The following PCF11 variants were observed in gnomAD, a reference collection of about 807,000 sequenced individuals.
PCF11 encodes the protein pre-mRNA cleavage complex 2 protein Pcf11.
A neutral mutation model predicts 166.1 loss-of-function variants in PCF11; 19 were observed. That is an observed-to-expected ratio of 0.11 (90% CI 0.08 to 0.17). The LOEUF (loss-of-function observed/expected upper bound fraction) is 0.17, where lower values mean the gene tolerates loss of function less well. Ranked by LOEUF, PCF11 falls within the 10% of genes least tolerant of loss-of-function variation. PCF11 has a pLI of 1.00. For synonymous variants in PCF11, 663 were observed against 644.1 expected (o/e 1.03, Z -0.44); for missense variants, 1,565 against 1,855.5 (o/e 0.84, Z 2.88).
chr11:83,168,280 G>T, intron 7 of PCF11, 148 bp from the exon 8 acceptor site: 1 of 720,726 alleles, frequency 1.4e-6, no homozygotes, highest in Non-Finnish European at 2.2e-6. Flanking sequence ...TGACTCTAGA[G>T]GGCATCCTCT....
At chr11:83,158,330 TG>T (rs1318440406) in intron 1 of PCF11, 1 of 85,520 alleles carries the variant, frequency 1.2e-5, no homozygotes, top group Non-Finnish European at 2.3e-5. Context: ...GGGTTGAGGG[TG>T]GGGTTTGGGT....
At chr11:83,165,631 C>G in exon 5 of PCF11, 1 of 1,612,120 alleles carries the variant, frequency 6.2e-7, no homozygotes. Flanking sequence ...CAGGAAACAT[C>G]CAATTTAGGT....
chr11:83,175,187 G>A (rs1860833880), intron 9 of PCF11, among the ~76,000 whole-genome samples: 1 of 152,128 alleles, frequency 6.6e-6, no homozygotes, highest in South Asian at 2.1e-4. Flanking sequence ...CCAGGCTGGA[G>A]TACAGTGGGG....
At chr11:83,175,660 A>G (rs1185983879) in intron 9 of PCF11, among the ~76,000 whole-genome samples, 1 of 152,196 alleles carries the variant, frequency 6.6e-6, no homozygotes, top group Non-Finnish European at 1.5e-5. Context: ...AGGCTGAGGC[A>G]GGAGAACGGT....
chr11:83,173,373 T>G (rs1282028376), intron 9 of PCF11, among the ~76,000 whole-genome samples: 1 of 152,030 alleles, frequency 6.6e-6, no homozygotes, highest in Non-Finnish European at 1.5e-5. Flanking sequence ...GAGAATCGCT[T>G]GAACCCAGGA....
At chr11:83,173,159 CTG>C (rs1243639156) in intron 9 of PCF11, among the ~76,000 whole-genome samples, 2 of 152,140 alleles carry the variant, frequency 1.3e-5, no homozygotes, top group Non-Finnish European at 2.9e-5. Flanking sequence ...TTTTTTCCCT[CTG>C]TAAACAGCAT....
chr11:83,164,424 T>G, intron 4 of PCF11, 23 bp downstream of exon 4: 1 of 1,553,828 alleles, frequency 6.4e-7, no homozygotes, highest in East Asian at 2.3e-5. Context: ...GATTGTCATT[T>G]TAAATATTTT....
chr11:83,180,386 ATT>A (rs57035891), intron 11 of PCF11: 11 of 138,772 alleles, frequency 7.9e-5, no homozygotes, highest in South Asian at 2.3e-4. Context: ...GTGCCCGGCT[ATT>A]TTTTTTTTTT....
chr11:83,164,983 A>AT (rs1359419554), intron 4 of PCF11, among the ~76,000 whole-genome samples: 1 of 152,216 alleles, frequency 6.6e-6, no homozygotes, highest in East Asian at 1.9e-4. Flanking sequence ...TGGACTTAAT[A>AT]TTTCAGTCCC....
At position 83,177,157 on chromosome 11, in the gene PCF11, TA is replaced by T; in HGVS notation, c.3835del (p.Thr1279GlnfsTer16). 1 of 1,580,374 alleles carries T rather than the reference TA, an allele frequency of 6.3e-7. No homozygotes were observed. Among genetic ancestry groups the T allele is most frequent in the Non-Finnish European group, 8.6e-7 (1 of 1,162,034 alleles). On this transcript the variant is annotated frameshift_variant, in exon 10 of 16. Transcript: ENST00000298281. LOFTEE classifies it high-confidence loss of function. ...GTAAATGAATTGTTTTCAAAATTGCTAAAAACAGGAATTCTCAAATTGTCCC... is the reference window on the plus strand; with the variant it reads ...GTAAATGAATTGTTTTCAAAATTGCTAAAACAGGAATTCTCAAATTGTCCC...
At chr11:83,174,386 G>GTT (rs71463154) in intron 9 of PCF11, among the ~76,000 whole-genome samples, 7 of 142,694 alleles carry the variant, frequency 4.9e-5, no homozygotes, top group Admixed American at 1.4e-4. Flanking sequence ...TATTTTTAAA[G>GTT]TTTTTTTTTT....
intron 13 of PCF11, 138 bp downstream of exon 13, chr11:83,182,147 TTTACTC>T: frequency 2.5e-6 from 2 of 785,084 alleles, no homozygotes; most frequent in Non-Finnish European, 3.9e-6. Context: ...ACTCTTCAAT[TTTACTC>T]TTACAATCTA....
chr11:83,183,048 C>A, exon 15 of PCF11: 1 of 1,451,710 alleles, frequency 6.9e-7, no homozygotes, highest in Non-Finnish European at 9.5e-7. Context: ...ATTTATCATC[C>A]ATCATGTTAT....
intron 1 of PCF11, among the ~76,000 whole-genome samples, chr11:83,160,177 G>C (rs1040701180): frequency 3.9e-5 from 6 of 152,120 alleles, no homozygotes; most frequent in Non-Finnish European, 7.4e-5. Flanking sequence ...CCACACACTT[G>C]TATGGGCAAT....
intron 1 of PCF11, 91 bp downstream of exon 1, chr11:83,157,722 G>A: frequency 1.7e-6 from 2 of 1,196,124 alleles, no homozygotes; most frequent in Non-Finnish European, 2.5e-6. Context: ...ATCCCAAGGG[G>A]GACAGTGTTC....
intron 10 of PCF11, among the ~76,000 whole-genome samples, chr11:83,177,512 A>C (rs1860929016): frequency 6.6e-6 from 1 of 152,252 alleles, no homozygotes; most frequent in African/African-American, 2.4e-5. Context: ...CTTTTATTAT[A>C]GATGACTTTT....
At chr11:83,184,909 GTA>G in exon 16 of PCF11, 1 of 1,498,214 alleles carries the variant, frequency 6.7e-7, no homozygotes, top group Non-Finnish European at 8.9e-7. Flanking sequence ...AATGAGAAAG[GTA>G]TGTTTTTCTT....
At chr11:83,184,428 T>C (rs1215387008) in intron 15 of PCF11, 1 of 393,156 alleles carries the variant, frequency 2.5e-6, no homozygotes, top group African/African-American at 2.1e-5. Context: ...TAATCAACTT[T>C]TTTTGGCTGT....
exon 1 of PCF11, chr11:83,157,158 C>G: frequency 1.7e-6 from 1 of 572,950 alleles, no homozygotes; most frequent in South Asian, 2.3e-5. Context: ...GGAACACAGA[C>G]ATTTTCGGAG....
Sources: allele counts gnomAD v4.1 joint callset (sites outside exome capture counted in the v4.1 genomes callset), GRCh38; gene constraint gnomAD v4.1.1; transcripts MANE v1.5; gene names NCBI Gene and HGNC (gene_info 2026-07-23, HGNC 2026-07-21).